Variants in AFF1 observed in about 807,000 individuals in gnomAD.
AFF1 encodes AF4/FMR2 family member 1.
A neutral mutation model predicts 121.7 loss-of-function variants in AFF1; 48 were observed. That is an observed-to-expected ratio of 0.39 (90% CI 0.31 to 0.50). The LOEUF (loss-of-function observed/expected upper bound fraction) is 0.50. Ranked by LOEUF, AFF1 falls within the 20% of genes least tolerant of loss-of-function variation. The pLI is 0.76. For synonymous variants in AFF1, 613 were observed against 563.0 expected (o/e 1.09, Z -1.26); for missense variants, 1,523 against 1,511.7 (o/e 1.01, Z -0.12).
At chr4:87,108,869 T>C (rs973325120) in intron 11 of AFF1, among the ~76,000 whole-genome samples, 7 of 152,312 alleles carry the variant, frequency 4.6e-5, no homozygotes, top group African/African-American at 1.7e-4. Context: ...TTCTGTCCCA[T>C]GTAAAACAGG....
intron 2 of AFF1, among the ~76,000 whole-genome samples, chr4:86,958,301 G>A (rs1721903139): frequency 6.6e-6 from 1 of 151,616 alleles, no homozygotes; most frequent in Admixed American, 6.6e-5. Context: ...CACCATGTTA[G>A]GCTGGTCTCA....
chr4:87,101,779 A>G (rs1484055498), intron 8 of AFF1, among the ~76,000 whole-genome samples: 2 of 152,210 alleles, frequency 1.3e-5, no homozygotes, highest in African/African-American at 2.4e-5. Context: ...ACCTGATACC[A>G]TGGCTGTGAC....
chr4:87,113,355 C>G (rs1726752801), intron 11 of AFF1, among the ~76,000 whole-genome samples: 1 of 152,040 alleles, frequency 6.6e-6, no homozygotes, highest in South Asian at 2.1e-4. Flanking sequence ...CTCACCGCAG[C>G]CTCAAACTCC....
At chr4:87,012,447 G>A (rs1241387950) in intron 2 of AFF1, among the ~76,000 whole-genome samples, 1 of 152,042 alleles carries the variant, frequency 6.6e-6, no homozygotes, top group African/African-American at 2.4e-5. Flanking sequence ...ATATAGTGAG[G>A]CTAAGTATAA....
intron 2 of AFF1, among the ~76,000 whole-genome samples, chr4:86,967,752 A>G (rs769434899): frequency 6.6e-6 from 1 of 152,064 alleles, no homozygotes; most frequent in Non-Finnish European, 1.5e-5. Flanking sequence ...ATGCTGAAAG[A>G]TGGGAAAGAC....
chr4:86,990,556 G>A (rs1022927454), intron 2 of AFF1, among the ~76,000 whole-genome samples: 3 of 152,144 alleles, frequency 2.0e-5, no homozygotes, highest in African/African-American at 7.2e-5. Flanking sequence ...CAGAGAGGGT[G>A]CCATTCATGA....
intron 2 of AFF1, among the ~76,000 whole-genome samples, chr4:87,035,028 A>C (rs549316476): frequency 6.6e-6 from 1 of 152,330 alleles, no homozygotes; most frequent in South Asian, 2.1e-4. Flanking sequence ...AGGCACACAT[A>C]TATAAAGTCT....
At chr4:86,989,327 A>G (rs1416928729) in intron 2 of AFF1, among the ~76,000 whole-genome samples, 2 of 152,210 alleles carry the variant, frequency 1.3e-5, no homozygotes, top group Non-Finnish European at 2.9e-5. Flanking sequence ...CAAATAAACA[A>G]ATTTACAAGA....
At chr4:86,987,032 T>TG (rs1161572479) in intron 2 of AFF1, among the ~76,000 whole-genome samples, 1 of 151,520 alleles carries the variant, frequency 6.6e-6, no homozygotes, top group African/African-American at 2.4e-5. Flanking sequence ...TTTGTAGAGA[T>TG]GGGGGTCTTG....
intron 2 of AFF1, among the ~76,000 whole-genome samples, chr4:86,997,131 C>CT (rs1560527259): frequency 6.6e-6 from 1 of 152,000 alleles, no homozygotes; most frequent in Non-Finnish European, 1.5e-5. Flanking sequence ...AGGCTTGTCT[C>CT]GAACTCCTGA....
chr4:86,998,548 G>A lies in AFF1; in HGVS notation c.39-47618G>A, dbSNP rs111985241. 1.3e-3 allele frequency among the ~76,000 whole-genome samples: 201 copies of A among 152,262 alleles called. 1 individual carries two copies. The highest frequency in any genetic ancestry group is 4.6e-3 in the African/African-American group (190 of 41,554). The stretch of plus-strand genomic sequence containing the variant: ...CCTACTGCTAGCATTTTGCTACAGA[G>A]GCCCCATCAATCTTTTGAATACACA... On this transcript the variant is annotated intron_variant, in intron 2 of 20. Coordinates refer to ENST00000395146, the MANE Select transcript of AFF1 (RefSeq NM_001166693.3).
At position 87,114,519 on chromosome 4, in the gene AFF1, G is replaced by A. The variant is rs1726876747; in HGVS notation, c.1686G>A (p.Glu562=). 7 of 1,613,200 alleles carry A rather than the reference G, an allele frequency of 4.3e-6. No individual in the cohort carries two copies. The South Asian group carries it at 5.5e-5, about 13-fold the overall frequency. The change falls in exon 12 of 21, where the codon GAG becomes GAA. Residue 562 remains glutamate, a synonymous_variant. Coordinates refer to ENST00000395146, the MANE Select transcript of AFF1 (RefSeq NM_001166693.3). The stretch of plus-strand genomic sequence containing the variant: ...GCAGCGACAGTGCCACGAGTCAGGA[G>A]CATTCTGAATCCAAAGATCCTCCCC... ...KGSSDSATSQ[E]HSESKDPPPK... is the part of the protein sequence containing the mutation.
chr4:87,087,360 CAG>C (rs540995185), intron 5 of AFF1, among the ~76,000 whole-genome samples: 1 of 152,246 alleles, frequency 6.6e-6, no homozygotes, highest in South Asian at 2.1e-4. Flanking sequence ...GGCCAGTAAA[CAG>C]AAGGCTAGGC....
chr4:87,020,300 C>T lies in AFF1; in HGVS notation c.39-25866C>T, dbSNP rs1023553235. Among the ~76,000 whole-genome samples, 7 of 152,160 alleles carry T rather than the reference C, an allele frequency of 4.6e-5. No homozygotes were observed. In the South Asian group the frequency reaches 6.2e-4, roughly 14 times the overall value. On this transcript the variant is annotated intron_variant, in intron 2 of 20. Transcript: ENST00000395146. ...AATGATTGCTTTTATGAATGTTTCACGACCATGTAAGAAAGAACGTATTTG... is the reference window on the plus strand; with the variant it reads ...AATGATTGCTTTTATGAATGTTTCATGACCATGTAAGAAAGAACGTATTTG...
intron 5 of AFF1, among the ~76,000 whole-genome samples, chr4:87,087,575 AATC>A (rs1482358964): frequency 2.6e-5 from 4 of 152,230 alleles, no homozygotes; most frequent in Non-Finnish European, 5.9e-5. Context: ...TAGGAAGTGA[AATC>A]ATGGCCTTGT....
intron 17 of AFF1, 90 bp downstream of exon 17, chr4:87,131,309 G>A (rs1728807054): frequency 6.6e-7 from 1 of 1,517,136 alleles, no homozygotes; most frequent in African/African-American, 1.4e-5. Context: ...GTGTGAAGAT[G>A]GCTCAATAAA....
chr4:86,947,589 A>G (rs1560494144), intron 1 of AFF1, among the ~76,000 whole-genome samples: 1 of 152,224 alleles, frequency 6.6e-6, no homozygotes, highest in Non-Finnish European at 1.5e-5. Flanking sequence ...TTTGAAAAGT[A>G]AAACAAACTA....
At chr4:87,017,875 A>G (rs1399545247) in intron 2 of AFF1, among the ~76,000 whole-genome samples, 2 of 151,840 alleles carry the variant, frequency 1.3e-5, no homozygotes, top group South Asian at 2.1e-4. Context: ...CTCTGAAAGT[A>G]TCTTTAGGGG....
intron 12 of AFF1, among the ~76,000 whole-genome samples, chr4:87,119,542 G>A (rs1477193281): frequency 6.6e-6 from 1 of 152,336 alleles, no homozygotes; most frequent in Admixed American, 6.5e-5. Flanking sequence ...CTGCACTCCA[G>A]CATGGGCAAC....
Sources: gnomAD v4.1 joint callset for allele counts (sites outside exome capture counted in the v4.1 genomes callset) on GRCh38, gnomAD v4.1.1 for gene constraint, MANE v1.5 for transcripts, NCBI Gene and HGNC (gene_info 2026-07-23, HGNC 2026-07-21) for gene names.